DCC: variants seen among roughly 807,000 people sequenced by gnomAD.
DCC encodes the protein DCC netrin 1 receptor.
Under a neutral mutation model 172.5 loss-of-function variants are expected in DCC, and 58 were observed. That is an observed-to-expected ratio of 0.34 (90% CI 0.27 to 0.42). The LOEUF is 0.42. DCC is among the 10% of genes least tolerant of loss of function. The pLI is 1.00. For missense variants in DCC, 1,740 were observed against 1,791.0 expected, an observed-to-expected ratio of 0.97 and a Z score of 0.51; for synonymous variants, 709 against 644.5, an observed-to-expected ratio of 1.10 and a Z score of -1.52.
intron 1 of DCC, among the ~76,000 whole-genome samples, chr18:52,619,864 T>C (rs2034448820): frequency 6.6e-6 from 1 of 152,158 alleles, no homozygotes; most frequent in Non-Finnish European, 1.5e-5. Flanking sequence ...ATTGAGTCCA[T>C]TGGAAAAGGC....
At chr18:52,413,500 T>C (rs2144409073) in intron 1 of DCC, among the ~76,000 whole-genome samples, 1 of 152,152 alleles carries the variant, frequency 6.6e-6, no homozygotes, top group Non-Finnish European at 1.5e-5. Context: ...TATGTAGAGA[T>C]AAATATTTGA....
intron 7 of DCC, among the ~76,000 whole-genome samples, chr18:53,155,215 T>A (rs35367498): frequency 5.0e-3 from 755 of 152,232 alleles, no homozygotes; most frequent in Middle Eastern, 0.02. Flanking sequence ...CCCAGATGAA[T>A]TTTTCTAGCT....
chr18:52,838,453 G>T (rs572612149), intron 2 of DCC, among the ~76,000 whole-genome samples: 1 of 152,120 alleles, frequency 6.6e-6, no homozygotes, highest in African/African-American at 2.4e-5. Flanking sequence ...TGTACACAAT[G>T]TCAGTGATTG....
chr18:52,512,723 T>C (rs552213881), intron 1 of DCC, among the ~76,000 whole-genome samples: 13 of 152,128 alleles, frequency 8.5e-5, no homozygotes, highest in South Asian at 8.3e-4. Context: ...CTAGTAAATA[T>C]ACAGTAGAAC....
intron 1 of DCC, among the ~76,000 whole-genome samples, chr18:52,612,554 T>G (rs2034295152): frequency 6.6e-6 from 1 of 151,874 alleles, no homozygotes; most frequent in Non-Finnish European, 1.5e-5. Context: ...ATTCTTCAGT[T>G]TGACTGAGCA....
chr18:52,785,435 C>G lies in DCC; in HGVS notation c.412+33061C>G, dbSNP rs1281706735. ...TCTCTGCTTAAGTAATTTCTTAAGT[C>G]CTATATCATTCCACCCTCTGCAGTG... On this transcript the variant is annotated intron_variant, in intron 2 of 28. Coordinates refer to ENST00000442544, the MANE Select transcript of DCC (RefSeq NM_005215.4). Among the ~76,000 whole-genome samples, 3 of 152,022 alleles carry G rather than the reference C, an allele frequency of 2.0e-5. No homozygotes were observed. The East Asian group carries it at 5.8e-4, about 29-fold the overall frequency.
In DCC at chr18:52,799,665, T is replaced by A. The variant is rs28494889; in HGVS notation, c.412+47291T>A. ...CACCCATGAATCAGTATTTTAGAAG[T>A]TCTCTCAAATGGCTCGGTGTCCAAG... On this transcript the variant is annotated intron_variant, in intron 2 of 28. Transcript: ENST00000442544. Among the ~76,000 whole-genome samples, 13 of 152,248 alleles carry A rather than the reference T, an allele frequency of 8.5e-5. No homozygotes were observed. In the East Asian group the frequency reaches 1.2e-3, roughly 14 times the overall value.
At chr18:53,279,512 G>A (rs2056843584) in intron 12 of DCC, among the ~76,000 whole-genome samples, 1 of 109,426 alleles carries the variant, frequency 9.1e-6, no homozygotes, top group East Asian at 3.3e-4. Context: ...TGGGGGGAGG[G>A]GGGAGAGATA....
chr18:53,202,901 C>T (rs2055562797), intron 9 of DCC, among the ~76,000 whole-genome samples: 1 of 152,072 alleles, frequency 6.6e-6, no homozygotes, highest in Admixed American at 6.6e-5. Context: ...TATCAGTTGC[C>T]TGAAAGTCAA....
chr18:52,719,835 A>T (rs1599045767), intron 1 of DCC, among the ~76,000 whole-genome samples: 1 of 152,054 alleles, frequency 6.6e-6, no homozygotes, highest in Admixed American at 6.6e-5. Context: ...AAGGGGCGGG[A>T]TGGAGGTCGC....
intron 2 of DCC, chr18:52,757,397 G>A (rs61333442): frequency 1.2e-3 from 179 of 152,264 alleles, no homozygotes; most frequent in African/African-American, 4.2e-3. Context: ...TATGTAAGAA[G>A]ACTAGATAAC....
At chr18:53,170,849 G>T (rs1166681591) in intron 8 of DCC, among the ~76,000 whole-genome samples, 1 of 152,054 alleles carries the variant, frequency 6.6e-6, no homozygotes, top group East Asian at 1.9e-4. Flanking sequence ...TTACTCCACA[G>T]TCTACATAGG....
intron 1 of DCC, among the ~76,000 whole-genome samples, chr18:52,467,476 T>G (rs1988820094): frequency 6.6e-6 from 1 of 152,218 alleles, no homozygotes; most frequent in Admixed American, 6.5e-5. Context: ...ATTCGAAGTC[T>G]TTGCTATTTT....
intron 27 of DCC, among the ~76,000 whole-genome samples, chr18:53,509,969 TGATGAGGGAATTAGTTAA>T (rs2046230564): frequency 6.6e-6 from 1 of 152,210 alleles, no homozygotes; most frequent in Non-Finnish European, 1.5e-5. Context: ...TTTCAACATG[TGATGAGGGAATTAGTTAA>T]ATTAGTATTT....
chr18:52,552,207 T>C (rs1163319889), intron 1 of DCC, among the ~76,000 whole-genome samples: 1 of 151,964 alleles, frequency 6.6e-6, no homozygotes, highest in Non-Finnish European at 1.5e-5. Flanking sequence ...AGATTCTACT[T>C]TTAACATTAG....
chr18:53,164,055 C>T (rs746986048), intron 8 of DCC, among the ~76,000 whole-genome samples: 2 of 152,184 alleles, frequency 1.3e-5, no homozygotes, highest in African/African-American at 4.8e-5. Flanking sequence ...CCAAAGCAGG[C>T]ACTCTCAATC....
intron 1 of DCC, among the ~76,000 whole-genome samples, chr18:52,535,572 T>C (rs1156789939): frequency 6.6e-6 from 1 of 152,184 alleles, no homozygotes; most frequent in Non-Finnish European, 1.5e-5. Context: ...TAAAATATAC[T>C]GTCCAATAAA....
At chr18:52,494,645 G>C (rs748063049) in intron 1 of DCC, among the ~76,000 whole-genome samples, 1 of 151,736 alleles carries the variant, frequency 6.6e-6, no homozygotes, top group Non-Finnish European at 1.5e-5. Flanking sequence ...TTATGTTTTA[G>C]AGCTTCAGCA....
intron 7 of DCC, 68 bp from the exon 8 acceptor site, chr18:53,157,288 C>G: frequency 2.5e-6 from 4 of 1,604,930 alleles, no homozygotes; most frequent in South Asian, 1.1e-5. Flanking sequence ...TAGGTTGGCT[C>G]TGCCTTCCTA....
Sources: allele counts gnomAD v4.1 joint callset (sites outside exome capture counted in the v4.1 genomes callset), GRCh38; gene constraint gnomAD v4.1.1; transcripts MANE v1.5; gene names NCBI Gene and HGNC (gene_info 2026-07-23, HGNC 2026-07-21).